PRKCE: variants seen among roughly 807,000 people sequenced by gnomAD.
PRKCE encodes protein kinase C epsilon type.
A neutral mutation model predicts 85.4 loss-of-function variants in PRKCE; 16 were observed. The ratio of observed to expected loss-of-function variants is 0.19; its 90% CI spans 0.13 to 0.28. The LOEUF (loss-of-function observed/expected upper bound fraction) is 0.28. PRKCE is among the 10% of genes least tolerant of loss of function. PRKCE has a pLI of 1.00. For synonymous variants in PRKCE, 388 were observed against 371.5 expected (o/e 1.04, Z -0.51); for missense variants, 573 against 975.2 (o/e 0.59, Z 5.49).
intron 2 of PRKCE, among the ~76,000 whole-genome samples, chr2:45,940,488 A>G (rs1699793369): frequency 6.6e-6 from 1 of 152,236 alleles, no homozygotes; most frequent in Non-Finnish European, 1.5e-5. Flanking sequence ...AGTCAAAAAT[A>G]TTTGGAGACG....
chr2:45,839,118 G>T (rs1310974113), intron 1 of PRKCE, among the ~76,000 whole-genome samples: 27 of 134,220 alleles, frequency 2.0e-4, no homozygotes, highest in Admixed American at 1.4e-3. Context: ...TCTCCTGGGT[G>T]CTTAGTTAAA....
rs773116438 is a variant in PRKCE, at chr2:45,822,080, C to A, written c.349-20920C>A. On this transcript the variant is annotated intron_variant, in intron 1 of 14. Coordinates refer to ENST00000306156, the MANE Select transcript of PRKCE (RefSeq NM_005400.3). ...GAGCAGGGTGCAGAATGTTCTGGCA[C>A]CTGTCCAGGGTACTCTGTTTCTGAG... Among the ~76,000 whole-genome samples, 45 of 152,072 alleles carry A rather than the reference C, an allele frequency of 3.0e-4. 1 individual carries two copies. The highest frequency in any genetic ancestry group is 4.9e-4 in the Non-Finnish European group (33 of 68,002).
At position 45,735,390 on chromosome 2, in the gene PRKCE, G is replaced by A. The variant is rs1278716208; in HGVS notation, c.348+82942G>A. On this transcript the variant is annotated intron_variant, in intron 1 of 14. Transcript: ENST00000306156. The stretch of plus-strand genomic sequence containing the variant: ...AATCAAAGCAGCTGTAAGACAGCTT[G>A]TAGTACAGTTTGGGGTCAAGACCAT... Among the ~76,000 whole-genome samples, 3 of 152,360 alleles carry A rather than the reference G, an allele frequency of 2.0e-5. 1 individual carries two copies. In the East Asian group the frequency reaches 5.8e-4, roughly 29 times the overall value.
At chr2:45,851,247 G>A (rs1291809240) in intron 2 of PRKCE, among the ~76,000 whole-genome samples, 5 of 152,184 alleles carry the variant, frequency 3.3e-5, no homozygotes, top group African/African-American at 1.2e-4. Flanking sequence ...AAATAAAGAG[G>A]GACTAGTATT....
chr2:45,809,009 C>G (rs1487067018), intron 1 of PRKCE, among the ~76,000 whole-genome samples: 3 of 152,108 alleles, frequency 2.0e-5, no homozygotes, highest in Non-Finnish European at 4.4e-5. Context: ...CCTGAGAGTC[C>G]TCGTCTACCC....
chr2:45,733,448 C>T (rs1681762382), intron 1 of PRKCE, among the ~76,000 whole-genome samples: 3 of 152,068 alleles, frequency 2.0e-5, no homozygotes, highest in Non-Finnish European at 4.4e-5. Context: ...ACGCAAGAAA[C>T]AGTAAATCAT....
intron 2 of PRKCE, among the ~76,000 whole-genome samples, chr2:45,949,887 T>C (rs564805720): frequency 2.2e-5 from 1 of 46,012 alleles, no homozygotes; most frequent in African/African-American, 5.3e-5. Flanking sequence ...TTCTTTGTTG[T>C]TTTTTTTTTT....
chr2:45,909,319 G>C (rs998466481), intron 2 of PRKCE, among the ~76,000 whole-genome samples: 1 of 152,196 alleles, frequency 6.6e-6, no homozygotes, highest in Non-Finnish European at 1.5e-5. Flanking sequence ...TTACGAGGTG[G>C]TAGGCACCAG....
chr2:46,159,917 C>A lies in PRKCE; in HGVS notation c.2067+165C>A. On this transcript the variant is annotated intron_variant, in intron 14 of 14. Transcript: ENST00000306156. The surrounding 1 kb of genome is among the most constrained non-coding windows in gnomAD (Gnocchi z 4.1). ...TCCCTAAGACAATGTCTTTAGGCCC[C>A]AAGTGTTTACTATTGAAAACATGTA... The A allele has an allele frequency of 1.3e-6, 1 of 769,208 alleles. No individual in the cohort carries two copies. Among genetic ancestry groups the A allele is most frequent in the Non-Finnish European group, 2.0e-6 (1 of 512,188 alleles). The allele number at this position is 769,208 out of a possible 1,614,324, so 47.6% of individuals were successfully genotyped here.
At chr2:45,797,238 A>T (rs1324819482) in intron 1 of PRKCE, among the ~76,000 whole-genome samples, 1 of 152,160 alleles carries the variant, frequency 6.6e-6, no homozygotes, top group Non-Finnish European at 1.5e-5. Flanking sequence ...AGGCCACTTT[A>T]CTCATTCTGC....
intron 2 of PRKCE, among the ~76,000 whole-genome samples, chr2:45,878,312 G>C (rs1338785321): frequency 6.6e-6 from 1 of 152,210 alleles, no homozygotes; most frequent in African/African-American, 2.4e-5. Context: ...CATCTGCTTA[G>C]GTGCCTGGTA....
intron 13 of PRKCE, among the ~76,000 whole-genome samples, chr2:46,153,781 CTTTTTTTTTTTTT>C (rs70937993): frequency 2.6e-5 from 2 of 75,964 alleles, no homozygotes; most frequent in African/African-American, 9.1e-5. Flanking sequence ...TCTTCTTCTT[CTTTTTTTTTTTTT>C]TTTTTTTTTT....
At chr2:46,117,744 C>A (rs904510602) in intron 11 of PRKCE, among the ~76,000 whole-genome samples, 2 of 152,214 alleles carry the variant, frequency 1.3e-5, no homozygotes, top group Non-Finnish European at 2.9e-5. Context: ...TGGGAAAACA[C>A]ATAGGAAGGG....
intron 1 of PRKCE, among the ~76,000 whole-genome samples, chr2:45,689,277 C>T (rs1374687514): frequency 6.6e-6 from 1 of 152,130 alleles, no homozygotes; most frequent in Non-Finnish European, 1.5e-5. Context: ...CCTTATTTAA[C>T]TGGGGAACAG....
At position 46,001,378 on chromosome 2, in the gene PRKCE, T is replaced by C. The variant is rs767471061; in HGVS notation, c.824-26T>C. 4 of 1,588,414 alleles carry C rather than the reference T, an allele frequency of 2.5e-6. No homozygotes were observed. The highest frequency in any genetic ancestry group is 3.4e-6 in the Non-Finnish European group (4 of 1,172,224). ...ACATCTTAGGCCATGAACACTTATC[T>C]GTCTTTTCTCCATGTCTCCTTACAG... On this transcript the variant is annotated intron_variant, in intron 6 of 14. Transcript: ENST00000306156. The surrounding 1 kb of genome is among the most constrained non-coding windows in gnomAD (Gnocchi z 4.4).
Position 46,007,629 on chromosome 2 carries a change from A to G in PRKCE, c.1231A>G (p.Ile411Val). ...KRLGLDEFNF[I>V]KVLGKGSFGK... ...CCTGGGCCTGGATGAGTTCAACTTC[A>G]TCAAGGTGTTGGGCAAAGGCAGCTT... The change falls in exon 9 of 15, where the codon ATC becomes GTC. Residue 411 changes from isoleucine (I) to valine (V), a missense_variant. Physicochemically the swap from Ile to Val is conservative, Grantham distance 29 (BLOSUM62 3). Around this residue, in one of 11 missense-constraint regions of PRKCE, gnomAD observed 117 missense variants for 104.8 expected, o/e 1.12. Coordinates refer to ENST00000306156, the MANE Select transcript of PRKCE (RefSeq NM_005400.3). 6.3e-7 allele frequency: 1 copy of G among 1,599,790 alleles called. No homozygotes were observed. The highest frequency in any genetic ancestry group is 8.5e-7 in the Non-Finnish European group (1 of 1,179,966).
At chr2:45,997,244 T>G (rs1190918217) in intron 6 of PRKCE, among the ~76,000 whole-genome samples, 4 of 152,166 alleles carry the variant, frequency 2.6e-5, no homozygotes. Flanking sequence ...ATTGAGTCTA[T>G]TGCTCTTTAC....
intron 1 of PRKCE, among the ~76,000 whole-genome samples, chr2:45,659,159 G>T (rs766588046): frequency 1.6e-4 from 24 of 152,104 alleles, no homozygotes; most frequent in Admixed American, 8.5e-4. Flanking sequence ...TGTGTAAAGG[G>T]CATCTTAAAC....
At position 45,792,179 on chromosome 2, in the gene PRKCE, G is replaced by C. The variant is rs143698148; in HGVS notation, c.349-50821G>C. On this transcript the variant is annotated intron_variant, in intron 1 of 14. Coordinates refer to ENST00000306156, the MANE Select transcript of PRKCE (RefSeq NM_005400.3). ...CATGGCAGAAGGGCAAAGGGGAAGT[G>C]GTGCAAAGAGGCCAAACCTGAGGGG... Among the ~76,000 whole-genome samples the C allele has an allele frequency of 7.2e-3, 1,092 of 152,228 alleles. 13 individuals are homozygous for C. The highest frequency in any genetic ancestry group is 0.025 in the African/African-American group (1,049 of 41,516).
Sources: allele counts gnomAD v4.1 joint callset (sites outside exome capture counted in the v4.1 genomes callset), GRCh38; gene constraint gnomAD v4.1.1; regional missense constraint gnomAD v4.1.1; non-coding constraint Gnocchi (gnomAD v3.1); transcripts MANE v1.5; gene names NCBI Gene and HGNC (gene_info 2026-07-23, HGNC 2026-07-21).